The following ATRNL1 variants were observed in gnomAD, a reference collection of about 807,000 sequenced individuals.
ATRNL1 encodes the protein attractin-like protein 1.
Under a neutral mutation model 182.7 loss-of-function variants are expected in ATRNL1, and 95 were observed. The observed-to-expected ratio is 0.52, with a 90% CI of 0.44 to 0.62. The LOEUF (loss-of-function observed/expected upper bound fraction) is 0.62. ATRNL1 is among the 20% of genes least tolerant of loss of function. The pLI is 0.00. For synonymous variants in ATRNL1, 576 were observed against 568.3 expected (o/e 1.01, Z -0.19); for missense variants, 1,471 against 1,679.5 (o/e 0.88, Z 2.17).
At chr10:115,475,588 T>C (rs1848492432) in intron 24 of ATRNL1, among the ~76,000 whole-genome samples, 1 of 151,484 alleles carries the variant, frequency 6.6e-6, no homozygotes. Flanking sequence ...AGTTATTCAT[T>C]CCTCTGAGCT....
chr10:115,466,414 A>G (rs1353887148), intron 22 of ATRNL1, among the ~76,000 whole-genome samples: 2 of 151,356 alleles, frequency 1.3e-5, no homozygotes, highest in African/African-American at 4.8e-5. Flanking sequence ...CATTATGACT[A>G]TCATTCTTTG....
At chr10:115,232,809 A>T (rs1592296718) in intron 9 of ATRNL1, among the ~76,000 whole-genome samples, 1 of 152,114 alleles carries the variant, frequency 6.6e-6, no homozygotes, top group Non-Finnish European at 1.5e-5. Flanking sequence ...TTTGGTTAGA[A>T]TTACTTCCAG....
intron 26 of ATRNL1, among the ~76,000 whole-genome samples, chr10:115,602,999 A>C (rs1555016530): frequency 6.6e-6 from 1 of 152,248 alleles, no homozygotes; most frequent in South Asian, 2.1e-4. Context: ...ATGAACAGCC[A>C]GATGAAGAGG....
At chr10:115,413,136 T>C (rs932880577) in intron 20 of ATRNL1, among the ~76,000 whole-genome samples, 1 of 152,162 alleles carries the variant, frequency 6.6e-6, no homozygotes. Flanking sequence ...TTGCATAGCA[T>C]TGCATTGTGT....
At chr10:115,740,223 AT>A (rs1233717216) in intron 27 of ATRNL1, among the ~76,000 whole-genome samples, 5 of 152,188 alleles carry the variant, frequency 3.3e-5, no homozygotes, top group African/African-American at 9.6e-5. Context: ...CTTAATATAG[AT>A]TTTTTTTCAT....
chr10:115,192,162 A>T lies in ATRNL1; in HGVS notation c.1348+20870A>T, dbSNP rs536826486. Reference sequence around the variant, plus strand: ...TGTGCTTTTGAGGTCCTACTCAAGAAATCTGCCCAGACCAATGTCCTGGAG... The same window carrying T: ...TGTGCTTTTGAGGTCCTACTCAAGATATCTGCCCAGACCAATGTCCTGGAG... On this transcript the variant is annotated intron_variant, in intron 8 of 28. Transcript: ENST00000355044. Among the ~76,000 whole-genome samples, 18 of 152,136 alleles carry T rather than the reference A, an allele frequency of 1.2e-4. No homozygotes were observed. In the South Asian group the frequency reaches 3.5e-3, roughly 30 times the overall value.
intron 21 of ATRNL1, among the ~76,000 whole-genome samples, chr10:115,426,924 C>T (rs1405991445): frequency 6.6e-6 from 1 of 152,108 alleles, no homozygotes; most frequent in African/African-American, 2.4e-5. Flanking sequence ...GGGGTTTTGC[C>T]ACGTTGGTCA....
intron 15 of ATRNL1, among the ~76,000 whole-genome samples, chr10:115,293,600 T>G (rs1018150317): frequency 6.6e-6 from 1 of 152,222 alleles, no homozygotes; most frequent in Non-Finnish European, 1.5e-5. Flanking sequence ...GTTATCATCT[T>G]TTCTGTTCTA....
At chr10:115,567,080 T>C (rs1403838700) in intron 26 of ATRNL1, among the ~76,000 whole-genome samples, 1 of 152,204 alleles carries the variant, frequency 6.6e-6, no homozygotes, top group Admixed American at 6.5e-5. Flanking sequence ...TAACAAACAT[T>C]GTTTAGCAAG....
chr10:115,174,675 G>A (rs1184628423), intron 8 of ATRNL1, among the ~76,000 whole-genome samples: 2 of 151,886 alleles, frequency 1.3e-5, no homozygotes, highest in Non-Finnish European at 2.9e-5. Flanking sequence ...CCTGAAAGTT[G>A]CCATAGACAA....
chr10:115,904,954 G>C (rs1297394945), intron 28 of ATRNL1, among the ~76,000 whole-genome samples: 1 of 152,156 alleles, frequency 6.6e-6, no homozygotes, highest in Non-Finnish European at 1.5e-5. Flanking sequence ...AGTTAGGATT[G>C]CTTGAACAGC....
intron 28 of ATRNL1, among the ~76,000 whole-genome samples, chr10:115,872,154 G>C (rs1438260878): frequency 6.6e-6 from 1 of 152,150 alleles, no homozygotes; most frequent in African/African-American, 2.4e-5. Flanking sequence ...CAGCTTATGT[G>C]GTATATTCTG....
At chr10:115,460,415 A>AG (rs1431130768) in intron 21 of ATRNL1, among the ~76,000 whole-genome samples, 10 of 149,914 alleles carry the variant, frequency 6.7e-5, no homozygotes, top group Admixed American at 1.3e-4. Flanking sequence ...GAAAAAATTA[A>AG]AAAAAAAAAT....
intron 20 of ATRNL1, among the ~76,000 whole-genome samples, chr10:115,412,167 G>A (rs748752849): frequency 6.6e-6 from 1 of 152,056 alleles, no homozygotes; most frequent in East Asian, 1.9e-4. Flanking sequence ...TTCTTTTGCT[G>A]GCTCTGAGAA....
chr10:115,873,599 G>A (rs1951634124), intron 28 of ATRNL1, among the ~76,000 whole-genome samples: 1 of 152,118 alleles, frequency 6.6e-6, no homozygotes, highest in African/African-American at 2.4e-5. Flanking sequence ...GTAGTTTCTG[G>A]CTGCAGAAAG....
chr10:115,595,031 T>C (rs1458752664), intron 26 of ATRNL1, among the ~76,000 whole-genome samples: 2 of 152,218 alleles, frequency 1.3e-5, no homozygotes, highest in East Asian at 3.8e-4. Flanking sequence ...TTTCACAGAA[T>C]GGACACTTCT....
At chr10:115,674,382 G>A (rs1386705870) in intron 26 of ATRNL1, among the ~76,000 whole-genome samples, 3 of 152,056 alleles carry the variant, frequency 2.0e-5, no homozygotes, top group Non-Finnish European at 4.4e-5. Context: ...ATCATGTAGT[G>A]TAAGTGAAAA....
At chr10:115,443,894 A>G (rs941800604) in intron 21 of ATRNL1, among the ~76,000 whole-genome samples, 2 of 152,132 alleles carry the variant, frequency 1.3e-5, no homozygotes, top group African/African-American at 2.4e-5. Context: ...TATGCCTCAG[A>G]GTATTTATTA....
intron 28 of ATRNL1, among the ~76,000 whole-genome samples, chr10:115,931,883 G>C (rs116214592): frequency 6.6e-6 from 1 of 152,076 alleles, no homozygotes; most frequent in Admixed American, 6.5e-5. Flanking sequence ...TTGTGGAACC[G>C]GTCTATGAGA....
Sources: gnomAD v4.1 joint callset for allele counts (sites outside exome capture counted in the v4.1 genomes callset) on GRCh38, gnomAD v4.1.1 for gene constraint, MANE v1.5 for transcripts, NCBI Gene and HGNC (gene_info 2026-07-23, HGNC 2026-07-21) for gene names.